GPC6: variants seen among roughly 807,000 people sequenced by gnomAD.
GPC6 encodes the protein glypican-6.
A neutral mutation model predicts 55.2 loss-of-function variants in GPC6; 14 were observed. The ratio of observed to expected loss-of-function variants is 0.25; its 90% CI spans 0.17 to 0.40. GPC6 has a LOEUF of 0.40. Among genes scored for constraint, GPC6 ranks in the 10% least tolerant of loss-of-function variants. The pLI is 1.00. For synonymous variants in GPC6, 278 were observed against 259.6 expected (o/e 1.07, Z -0.68); for missense variants, 641 against 708.5 (o/e 0.90, Z 1.08).
chr13:93,314,243 T>C (rs1369352080), intron 1 of GPC6, among the ~76,000 whole-genome samples: 1 of 152,142 alleles, frequency 6.6e-6, no homozygotes, highest in Non-Finnish European at 1.5e-5. Context: ...TACAACGTAA[T>C]GCATCAAATA....
chr13:93,669,451 G>C (rs571381402), intron 2 of GPC6, among the ~76,000 whole-genome samples: 27 of 152,288 alleles, frequency 1.8e-4, no homozygotes, highest in African/African-American at 6.5e-4. Context: ...ACAGGAAGTT[G>C]TAAGCCCACT....
At chr13:93,423,804 T>C (rs1877017661) in intron 1 of GPC6, among the ~76,000 whole-genome samples, 1 of 152,136 alleles carries the variant, frequency 6.6e-6, no homozygotes, top group African/African-American at 2.4e-5. Flanking sequence ...GTTAAATCAA[T>C]AGAAAGTGCT....
intron 1 of GPC6, among the ~76,000 whole-genome samples, chr13:93,463,373 A>T (rs1005372294): frequency 1.3e-5 from 2 of 152,212 alleles, no homozygotes; most frequent in African/African-American, 4.8e-5. Flanking sequence ...CCAGAAGACC[A>T]GGTGGACGTG....
intron 3 of GPC6, among the ~76,000 whole-genome samples, chr13:94,016,204 A>G (rs571074627): frequency 2.0e-5 from 3 of 152,336 alleles, no homozygotes; most frequent in African/African-American, 7.2e-5. Flanking sequence ...ATGATGTAGC[A>G]TATGATAGGA....
intron 1 of GPC6, among the ~76,000 whole-genome samples, chr13:93,458,135 C>A (rs1003040599): frequency 6.6e-6 from 1 of 152,120 alleles, no homozygotes; most frequent in Non-Finnish European, 1.5e-5. Flanking sequence ...TTTCTCAGAT[C>A]TAATTTATTT....
chr13:94,066,848 G>T (rs547549174), intron 4 of GPC6, among the ~76,000 whole-genome samples: 4 of 152,132 alleles, frequency 2.6e-5, no homozygotes, highest in Non-Finnish European at 5.9e-5. Context: ...CTGAATATAA[G>T]TATTAATTCT....
At chr13:94,351,320 A>T (rs1878532458) in intron 6 of GPC6, among the ~76,000 whole-genome samples, 1 of 152,062 alleles carries the variant, frequency 6.6e-6, no homozygotes, top group African/African-American at 2.4e-5. Flanking sequence ...TCTCCTGCCT[A>T]ATGAGAATTT....
intron 4 of GPC6, among the ~76,000 whole-genome samples, chr13:94,135,339 GA>G (rs1170502818): frequency 2.7e-5 from 4 of 150,166 alleles, no homozygotes; most frequent in Non-Finnish European, 5.9e-5. Flanking sequence ...ATGTGCATTT[GA>G]AAAAAAAGTC....
chr13:93,483,658 T>C (rs1879597215), intron 1 of GPC6, among the ~76,000 whole-genome samples: 1 of 152,176 alleles, frequency 6.6e-6, no homozygotes, highest in Non-Finnish European at 1.5e-5. Context: ...TGTAGTGTAA[T>C]TTAGTAATAA....
At chr13:93,696,086 A>G (rs1172686044) in intron 2 of GPC6, among the ~76,000 whole-genome samples, 1 of 152,204 alleles carries the variant, frequency 6.6e-6, no homozygotes, top group African/African-American at 2.4e-5. Context: ...TCCCAAATAC[A>G]TGGAAATATG....
intron 2 of GPC6, among the ~76,000 whole-genome samples, chr13:93,772,967 A>G (rs1885350738): frequency 6.6e-6 from 1 of 152,190 alleles, no homozygotes; most frequent in Non-Finnish European, 1.5e-5. Flanking sequence ...AATTCTTTCT[A>G]CTCAAAGGTC....
At chr13:93,444,445 A>G (rs1343303328) in intron 1 of GPC6, among the ~76,000 whole-genome samples, 1 of 152,078 alleles carries the variant, frequency 6.6e-6, no homozygotes. Flanking sequence ...CGTCCCTACT[A>G]AAAATACAAA....
At chr13:93,996,297 C>A (rs1204732668) in intron 3 of GPC6, among the ~76,000 whole-genome samples, 4 of 152,100 alleles carry the variant, frequency 2.6e-5, no homozygotes, top group Non-Finnish European at 5.9e-5. Context: ...AATACAGGCC[C>A]CTTTGGGAAA....
At chr13:94,288,633 A>G (rs1013011311) in intron 5 of GPC6, among the ~76,000 whole-genome samples, 1 of 148,412 alleles carries the variant, frequency 6.7e-6, no homozygotes, top group Non-Finnish European at 1.5e-5. Context: ...TCTCTTCTGT[A>G]ATGTTTTTCA....
At position 93,871,527 on chromosome 13, in the gene GPC6, C is replaced by T. The variant is rs746023349; in HGVS notation, c.711+40982C>T. Among the ~76,000 whole-genome samples, 8 of 152,036 alleles carry T rather than the reference C, an allele frequency of 5.3e-5. No homozygotes were observed. In the East Asian group the frequency reaches 7.8e-4, roughly 15 times the overall value. On this transcript the variant is annotated intron_variant, in intron 3 of 8. Coordinates refer to ENST00000377047, the MANE Select transcript of GPC6 (RefSeq NM_005708.5). Reference sequence around the variant, plus strand: ...AATATTTGCATGACACCAGACTAAACGTCGCACTGGGATTTCACAATAACA... The same window carrying T: ...AATATTTGCATGACACCAGACTAAATGTCGCACTGGGATTTCACAATAACA...
At chr13:93,558,185 T>C (rs1397025987) in intron 2 of GPC6, among the ~76,000 whole-genome samples, 2 of 152,180 alleles carry the variant, frequency 1.3e-5, no homozygotes, top group Non-Finnish European at 2.9e-5. Flanking sequence ...ATAATACCTG[T>C]TTTGAAACTA....
chr13:93,556,250 G>A (rs888224565), intron 2 of GPC6, among the ~76,000 whole-genome samples: 1 of 151,450 alleles, frequency 6.6e-6, no homozygotes, highest in Admixed American at 6.6e-5. Context: ...CCTAATGTGT[G>A]TTTATTTTTC....
At chr13:93,565,539 G>A (rs138059174) in intron 2 of GPC6, among the ~76,000 whole-genome samples, 17 of 152,224 alleles carry the variant, frequency 1.1e-4, no homozygotes, top group African/African-American at 1.7e-4. Flanking sequence ...TCTCAAGGAC[G>A]TCATTCCTCA....
At chr13:93,678,684 A>G (rs1881738182) in intron 2 of GPC6, among the ~76,000 whole-genome samples, 1 of 152,064 alleles carries the variant, frequency 6.6e-6, no homozygotes, top group Non-Finnish European at 1.5e-5. Flanking sequence ...CTCACCTACC[A>G]CTTCAGGAAA....
Sources: gnomAD v4.1 joint callset for allele counts (sites outside exome capture counted in the v4.1 genomes callset) on GRCh38, gnomAD v4.1.1 for gene constraint, MANE v1.5 for transcripts, NCBI Gene and HGNC (gene_info 2026-07-23, HGNC 2026-07-21) for gene names.